Variants in SNTG1 observed in about 807,000 individuals in gnomAD.
SNTG1 encodes gamma-1-syntrophin.
In SNTG1, 39 loss-of-function variants were observed where a neutral mutation model predicts 74.7. The ratio of observed to expected loss-of-function variants is 0.52; its 90% CI spans 0.40 to 0.68. The LOEUF (loss-of-function observed/expected upper bound fraction) is 0.68, where lower values mean the gene tolerates loss of function less well. Among genes scored for constraint, SNTG1 ranks in the 30% least tolerant of loss-of-function variants. SNTG1 has a pLI of 0.00. For synonymous variants in SNTG1, 254 were observed against 217.1 expected, an observed-to-expected ratio of 1.17 and a Z score of -1.49; for missense variants, 685 against 609.5, an observed-to-expected ratio of 1.12 and a Z score of -1.30.
chr8:50,258,687 T>TAAAC (rs1284162198), intron 2 of SNTG1, among the ~76,000 whole-genome samples: 1 of 151,970 alleles, frequency 6.6e-6, no homozygotes, highest in African/African-American at 2.4e-5. Flanking sequence ...ACTTGAAGAA[T>TAAAC]AAACAATCTA....
chr8:50,645,267 G>A (rs930216027), intron 13 of SNTG1, among the ~76,000 whole-genome samples: 127 of 151,564 alleles, frequency 8.4e-4, no homozygotes, highest in Non-Finnish European at 2.9e-5. Flanking sequence ...ATAAACTTCT[G>A]GTAAACTCAT....
chr8:50,451,388 TC>T (rs2093455972), intron 8 of SNTG1, among the ~76,000 whole-genome samples: 1 of 151,936 alleles, frequency 6.6e-6, no homozygotes, highest in Non-Finnish European at 1.5e-5. Flanking sequence ...CTGGAACCAG[TC>T]CCCCACAGAC....
intron 1 of SNTG1, among the ~76,000 whole-genome samples, chr8:49,989,339 A>C (rs1813464929): frequency 6.6e-6 from 1 of 151,962 alleles, no homozygotes; most frequent in African/African-American, 2.4e-5. Flanking sequence ...AAATAAATTC[A>C]ATAACTTAAA....
At chr8:50,175,290 C>G (rs560606841) in intron 2 of SNTG1, among the ~76,000 whole-genome samples, 3 of 152,246 alleles carry the variant, frequency 2.0e-5, no homozygotes, top group Admixed American at 2.0e-4. Flanking sequence ...ATCGCCACAC[C>G]GAAGCAGCAG....
At chr8:50,667,113 T>A (rs1032134736) in intron 15 of SNTG1, among the ~76,000 whole-genome samples, 1 of 152,018 alleles carries the variant, frequency 6.6e-6, no homozygotes, top group Non-Finnish European at 1.5e-5. Flanking sequence ...AATTAAGGTA[T>A]AACGGAAGAT....
chr8:50,276,859 A>T (rs185021785), intron 2 of SNTG1, among the ~76,000 whole-genome samples: 1 of 151,958 alleles, frequency 6.6e-6, no homozygotes, highest in Admixed American at 6.6e-5. Flanking sequence ...TTTTTTTGAG[A>T]TGGAGTCTTG....
intron 1 of SNTG1, among the ~76,000 whole-genome samples, chr8:50,035,522 A>G (rs570907209): frequency 6.6e-6 from 1 of 152,334 alleles, no homozygotes; most frequent in South Asian, 2.1e-4. Flanking sequence ...TTAGAAACAT[A>G]GAAGTCAAAT....
intron 4 of SNTG1, among the ~76,000 whole-genome samples, chr8:50,411,447 C>CA (rs34465884): frequency 0.25 from 26,833 of 109,316 alleles, 2,706 homozygotes; most frequent in Non-Finnish European, 0.28. Flanking sequence ...GACTCCATCT[C>CA]AAAAAAAAAA....
chr8:49,941,431 A>G (rs1808674123), intron 1 of SNTG1, among the ~76,000 whole-genome samples: 1 of 149,136 alleles, frequency 6.7e-6, no homozygotes. Flanking sequence ...GAAATTCATT[A>G]AACAAATGTT....
At chr8:50,166,936 G>T (rs2082634654) in intron 1 of SNTG1, among the ~76,000 whole-genome samples, 1 of 149,310 alleles carries the variant, frequency 6.7e-6, no homozygotes, top group South Asian at 2.1e-4. Context: ...GGAATACTAT[G>T]CAGCCATAAA....
At chr8:49,997,130 A>G (rs2130391798) in intron 1 of SNTG1, among the ~76,000 whole-genome samples, 1 of 152,242 alleles carries the variant, frequency 6.6e-6, no homozygotes, top group East Asian at 1.9e-4. Flanking sequence ...CTGTGACTCC[A>G]CGAAGCTGTT....
intron 2 of SNTG1, among the ~76,000 whole-genome samples, chr8:50,310,874 T>C (rs2090084571): frequency 6.6e-6 from 1 of 152,222 alleles, no homozygotes. Flanking sequence ...TGTATGTGTA[T>C]AATTGAATCA....
intron 1 of SNTG1, among the ~76,000 whole-genome samples, chr8:50,002,016 T>C (rs534243388): frequency 1.3e-5 from 2 of 152,266 alleles, no homozygotes; most frequent in South Asian, 4.1e-4. Context: ...ACTACCGCTG[T>C]TTCTGAGCGG....
At chr8:50,451,759 T>A (rs1165049000) in intron 8 of SNTG1, among the ~76,000 whole-genome samples, 1 of 151,902 alleles carries the variant, frequency 6.6e-6, no homozygotes, top group Non-Finnish European at 1.5e-5. Flanking sequence ...GAACTTCTGT[T>A]GGGGGTGGTG....
intron 1 of SNTG1, among the ~76,000 whole-genome samples, chr8:50,165,421 C>T (rs1033313668): frequency 6.6e-6 from 1 of 152,170 alleles, no homozygotes. Context: ...AATGTCAAAA[C>T]GTATCCAAAA....
chr8:50,152,653 C>T (rs923609976), intron 1 of SNTG1, among the ~76,000 whole-genome samples: 1 of 152,126 alleles, frequency 6.6e-6, no homozygotes, highest in Non-Finnish European at 1.5e-5. Flanking sequence ...TTTTATTTCT[C>T]CTTCACTTAT....
chr8:50,122,886 C>T lies in SNTG1; in HGVS notation c.-102-49675C>T, dbSNP rs368751909. 4.9e-5 allele frequency among the ~76,000 whole-genome samples: 7 copies of T among 142,566 alleles called. 1 individual carries two copies. The highest frequency in any genetic ancestry group is 1.8e-4 in the African/African-American group (7 of 39,484). The allele number at this position is 142,566 out of a possible 152,430, so 93.5% of individuals were successfully genotyped here. ...ACCAATAGAGAGAAAAACCTGATTG[C>T]TTTGCATATAAAATGGGAATGGAAA... On this transcript the variant is annotated intron_variant, in intron 1 of 18. Coordinates refer to ENST00000642720, the MANE Select transcript of SNTG1 (RefSeq NM_018967.5).
At chr8:50,238,796 G>T (rs2086035885) in intron 2 of SNTG1, among the ~76,000 whole-genome samples, 1 of 151,986 alleles carries the variant, frequency 6.6e-6, no homozygotes, top group Non-Finnish European at 1.5e-5. Flanking sequence ...AAATTTGCAA[G>T]AAGAAAACAA....
chr8:49,958,578 G>A (rs1463357699), intron 1 of SNTG1, among the ~76,000 whole-genome samples: 1 of 151,936 alleles, frequency 6.6e-6, no homozygotes, highest in Admixed American at 6.6e-5. Flanking sequence ...CTGCCACCAC[G>A]CCTGGCTAAT....
Sources: allele counts gnomAD v4.1 joint callset (sites outside exome capture counted in the v4.1 genomes callset), GRCh38; gene constraint gnomAD v4.1.1; transcripts MANE v1.5; gene names NCBI Gene and HGNC (gene_info 2026-07-23, HGNC 2026-07-21).